Variants in MYCBP2 observed in about 807,000 individuals in gnomAD.
MYCBP2 encodes the protein MYC binding protein 2.
In MYCBP2, 120 loss-of-function variants were observed where a neutral mutation model predicts 525.3. The ratio of observed to expected loss-of-function variants is 0.23; its 90% CI spans 0.20 to 0.27. MYCBP2 has a LOEUF of 0.27. Among genes scored for constraint, MYCBP2 ranks in the 10% least tolerant of loss-of-function variants. The pLI is 1.00. For missense variants in MYCBP2, 4,149 were observed against 5,657.1 expected (o/e 0.73, Z 8.55); for synonymous variants, 1,894 against 1,955.8 (o/e 0.97, Z 0.83).
At chr13:77,166,030 C>T (rs915494304) in intron 41 of MYCBP2, among the ~76,000 whole-genome samples, 5 of 152,120 alleles carry the variant, frequency 3.3e-5, no homozygotes, top group Non-Finnish European at 5.9e-5. Flanking sequence ...CCATTGTTTT[C>T]TATAATTTGG....
chr13:77,059,589 G>C lies in MYCBP2; in HGVS notation c.13074C>G (p.Phe4358Leu). ...ACTCTGTTCCACTCCTGGAACCACA[G>C]AAGCGACATGCTTCTGAGCTACTCG... ...PTTSSSEACR[F>L]CGSRSGTELS... is the part of the protein sequence containing the mutation. The change falls in exon 77 of 83, where the codon TTC becomes TTG. Residue 4358 changes from phenylalanine (F) to leucine (L), a missense_variant. Phe to Leu is a conservative substitution (Grantham distance 22, BLOSUM62 0). Coordinates refer to ENST00000544440, the MANE Select transcript of MYCBP2 (RefSeq NM_015057.5). 6.2e-7 allele frequency: 1 copy of C among 1,614,076 alleles called. No homozygotes were observed. The highest frequency in any genetic ancestry group is 8.5e-7 in the Non-Finnish European group (1 of 1,179,970).
chr13:77,129,528 TA>T, intron 52 of MYCBP2: 1 of 203,582 alleles, frequency 4.9e-6, no homozygotes, highest in Non-Finnish European at 9.8e-6. Flanking sequence ...AAAGAAACCT[TA>T]AAATTCTTTA....
intron 1 of MYCBP2, among the ~76,000 whole-genome samples, chr13:77,308,694 C>T (rs1478542813): frequency 6.6e-6 from 1 of 151,932 alleles, no homozygotes; most frequent in African/African-American, 2.4e-5. Context: ...AGAGGTGATC[C>T]CAGGAAAAAC....
intron 38 of MYCBP2, among the ~76,000 whole-genome samples, chr13:77,170,640 G>A (rs529191520): frequency 4.0e-5 from 6 of 150,766 alleles, no homozygotes; most frequent in East Asian, 1.9e-4. Flanking sequence ...GCAGTGGTGC[G>A]ATCTCGGCTC....
chr13:77,047,907 C>T (rs2035910903), intron 82 of MYCBP2, among the ~76,000 whole-genome samples: 1 of 152,064 alleles, frequency 6.6e-6, no homozygotes, highest in Admixed American at 6.5e-5. Flanking sequence ...GGGCCCCAGC[C>T]TCACGGGAGC....
Position 77,150,822 on chromosome 13 carries a change from T to C in MYCBP2, c.7043A>G (p.Tyr2348Cys). 6.2e-7 allele frequency: 1 copy of C among 1,614,158 alleles called. No individual in the cohort carries two copies. The highest frequency in any genetic ancestry group is 8.5e-7 in the Non-Finnish European group (1 of 1,179,994). ...TAGCTTTGGTGATGCCAGCCCTCCA[T>C]AAGTCATGTCAGTATTAGAAGATGC... The part of the protein sequence containing the change: ...TAASSNTDMT[Y>C]GGLASPKLDV... Residue 2348 changes from tyrosine to cysteine, a missense_variant, in exon 47 of 83, where the codon TAT (tyrosine) becomes TGT (cysteine). Around this residue, in one of 21 missense-constraint regions of MYCBP2, gnomAD observed 692 missense variants for 852.7 expected, o/e 0.81. Transcript: ENST00000544440.
chr13:77,181,402 G>T (rs566865615), intron 33 of MYCBP2, among the ~76,000 whole-genome samples: 106 of 152,066 alleles, frequency 7.0e-4, no homozygotes, highest in Non-Finnish European at 1.4e-3. Flanking sequence ...CCTTCAAATG[G>T]TTCAGGAAAA....
At chr13:77,144,042 A>G (rs1042526263) in intron 49 of MYCBP2, 1 of 193,332 alleles carries the variant, frequency 5.2e-6, no homozygotes, top group African/African-American at 2.3e-5. Flanking sequence ...TTAAAAATGC[A>G]TTCATTCATC....
At chr13:77,144,169 A>C in intron 49 of MYCBP2, 1 of 395,304 alleles carries the variant, frequency 2.5e-6, no homozygotes, top group Non-Finnish European at 4.6e-6. Flanking sequence ...AGACAGGGTA[A>C]CAGCAGCGTG....
rs1221109648 is a variant in MYCBP2, at chr13:77,181,713, T to C, written c.4929A>G (p.Glu1643=). The change falls in exon 33 of 83, where the codon GAA becomes GAG. Residue 1643 remains glutamate (E), a synonymous_variant. Transcript: ENST00000544440. ...HRFPLLVAHM[E]KLSQSEENIS... is the part of the protein sequence containing the mutation. The stretch of plus-strand genomic sequence containing the variant: ...GAGACAGACCTACCTGGCTGAGTTT[T>C]TCCATATGTGCCACCAAAAGGGGAA... 6.2e-7 allele frequency: 1 copy of C among 1,613,840 alleles called. No homozygotes were observed. The highest frequency in any genetic ancestry group is 1.7e-5 in the Admixed American group (1 of 60,026).
chr13:77,097,383 T>C lies in MYCBP2; in HGVS notation c.9771A>G (p.Arg3257=). 2 of 1,602,260 alleles carry C rather than the reference T, an allele frequency of 1.2e-6. No individual in the cohort carries two copies. The highest frequency in any genetic ancestry group is 1.7e-6 in the Non-Finnish European group (2 of 1,176,306). The change falls in exon 56 of 83, where the codon AGA becomes AGG. Residue 3257 remains arginine, a synonymous_variant. Transcript: ENST00000544440. ...AGTATCATTTACCTGGGTGAGCTTG[T>C]CTCATGTGATAGGTCACCGGGTATG... The part of the protein sequence containing the change: ...SHPYPVTYHM[R]QAHPGCGRYA...
At chr13:77,093,405 T>C in intron 58 of MYCBP2, 73 bp from the exon 59 acceptor site, 2 of 1,331,940 alleles carry the variant, frequency 1.5e-6, no homozygotes, top group Non-Finnish European at 2.1e-6. Flanking sequence ...ATCTCTTTCA[T>C]AACAGGAAAA....
chr13:77,150,752 A>C lies in MYCBP2; in HGVS notation c.7113T>G (p.Ile2371Met), dbSNP rs773994252. 1 of 1,613,952 alleles carries C rather than the reference A, an allele frequency of 6.2e-7. No homozygotes were observed. The highest frequency in any genetic ancestry group is 1.1e-5 in the South Asian group (1 of 91,036). Reference protein sequence around the residue: ...EPMIVKEARYIAITMMKVYEN... With the variant: ...EPMIVKEARYMAITMMKVYEN... ...AAATTACCTTCATCATTGTTATGGCAATATATCGAGCTTCCTTCACTATCA... is the reference window on the plus strand; with the variant it reads ...AAATTACCTTCATCATTGTTATGGCCATATATCGAGCTTCCTTCACTATCA... Residue 2371 changes from isoleucine (I) to methionine (M), a missense_variant, in exon 47 of 83, where the codon ATT becomes ATG. By Grantham distance (10) the Ile-to-Met change is conservative (BLOSUM62 1). This residue lies in a region of MYCBP2 where 692 missense variants were observed against 852.7 expected (regional missense o/e 0.81). Coordinates refer to ENST00000544440, the MANE Select transcript of MYCBP2 (RefSeq NM_015057.5).
intron 15 of MYCBP2, among the ~76,000 whole-genome samples, chr13:77,247,678 C>T (rs1241080690): frequency 6.6e-6 from 1 of 152,092 alleles, no homozygotes; most frequent in East Asian, 1.9e-4. Context: ...TACAAATCTA[C>T]AGTAATCAAA....
At chr13:77,204,960 C>A (rs910793127) in intron 26 of MYCBP2, among the ~76,000 whole-genome samples, 1 of 150,604 alleles carries the variant, frequency 6.6e-6, no homozygotes, top group African/African-American at 2.4e-5. Flanking sequence ...ATGACAAGTT[C>A]GTGGGTGCAG....
rs754526944 is a variant in MYCBP2 at position 77,243,084 on chromosome 13, T to C, written c.2604A>G (p.Arg868=). The C allele has an allele frequency of 5.6e-6, 9 of 1,614,012 alleles. No homozygotes were observed. In the Admixed American group the frequency reaches 8.3e-5, roughly 15 times the overall value. Residue 868 remains arginine (R), a synonymous_variant, in exon 17 of 83, where the codon AGA becomes AGG. Transcript: ENST00000544440. ...CTCTTCCTTCCTCTAATCTGTGCCT[T>C]CTGATTACACGTTGCCGTTTTTCTT... ...RQEEKRQRVI[R]RHRLEEGRGP... is the part of the protein sequence containing the mutation.
In MYCBP2 at chr13:77,180,120, G is replaced by A. The variant is rs777750850; in HGVS notation, c.5133+7C>T. On this transcript the variant is annotated splice_region_variant and intron_variant, in intron 34 of 82. Coordinates refer to ENST00000544440, the MANE Select transcript of MYCBP2 (RefSeq NM_015057.5). ...TTTTTATCCAGTGTCAAAATATAAT[G>A]TATTACCTCAGATCCCAGGGCTGAC... 3.1e-6 allele frequency: 5 copies of A among 1,606,896 alleles called. No homozygotes were observed. In the African/African-American group the frequency reaches 6.7e-5, roughly 22 times the overall value.
rs572307547 is a variant in MYCBP2, at chr13:77,088,606, CAATACAG to C, written c.10725+219_10725+225del. On this transcript the variant is annotated intron_variant, in intron 61 of 82. Transcript: ENST00000544440. Reference sequence around the variant, plus strand: ...TAATCTCAAGATTCAAATAGTAAAGCAATACAGAAATAAATTTCTTTAGGGTGCTTAA... The same window carrying C: ...TAATCTCAAGATTCAAATAGTAAAGCAAATAAATTTCTTTAGGGTGCTTAA... Among the ~76,000 whole-genome samples, 73 of 151,974 alleles carry C rather than the reference CAATACAG, an allele frequency of 4.8e-4. No individual in the cohort carries two copies. In the East Asian group the frequency reaches 0.012, roughly 25 times the overall value.
intron 18 of MYCBP2, among the ~76,000 whole-genome samples, chr13:77,226,391 TAAC>T (rs955133667): frequency 2.0e-5 from 3 of 152,288 alleles, no homozygotes; most frequent in South Asian, 2.1e-4. Context: ...AATGTGTAAA[TAAC>T]AACAACTTAC....
Sources: gnomAD v4.1 joint callset for allele counts (sites outside exome capture counted in the v4.1 genomes callset) on GRCh38, gnomAD v4.1.1 for gene constraint, gnomAD v4.1.1 regional missense constraint, MANE v1.5 for transcripts, NCBI Gene and HGNC (gene_info 2026-07-23, HGNC 2026-07-21) for gene names.